Variants in LRRC4C observed in about 807,000 individuals in gnomAD.
The protein encoded by LRRC4C is leucine rich repeat containing 4C.
Under a neutral mutation model 33.6 loss-of-function variants are expected in LRRC4C, and 5 were observed. The observed-to-expected ratio is 0.15, with a 90% CI of 0.08 to 0.31. The LOEUF (loss-of-function observed/expected upper bound fraction) is 0.31, where lower values mean the gene tolerates loss of function less well. Ranked by LOEUF, LRRC4C falls within the 10% of genes least tolerant of loss-of-function variation. The pLI is 1.00. For missense variants in LRRC4C, 560 were observed against 796.7 expected, an observed-to-expected ratio of 0.70 and a Z score of 3.58; for synonymous variants, 329 against 302.0, an observed-to-expected ratio of 1.09 and a Z score of -0.93.
intron 5 of LRRC4C, among the ~76,000 whole-genome samples, chr11:40,161,587 C>T (rs960138847): frequency 2.0e-5 from 3 of 152,074 alleles, no homozygotes; most frequent in Non-Finnish European, 4.4e-5. Flanking sequence ...GACCCCGTCT[C>T]TACTAAAATA....
chr11:40,204,108 G>T (rs763675005), intron 5 of LRRC4C, among the ~76,000 whole-genome samples: 1 of 152,008 alleles, frequency 6.6e-6, no homozygotes, highest in African/African-American at 2.4e-5. Context: ...AGAGATGGGT[G>T]GTGGGGGGCG....
intron 5 of LRRC4C, among the ~76,000 whole-genome samples, chr11:40,173,234 C>A (rs899092059): frequency 6.6e-6 from 1 of 152,104 alleles, no homozygotes; most frequent in South Asian, 2.1e-4. Context: ...CAATGACAGC[C>A]CTAAGAAATT....
intron 2 of LRRC4C, among the ~76,000 whole-genome samples, chr11:40,883,678 G>A (rs1955295359): frequency 6.6e-6 from 1 of 151,740 alleles, no homozygotes; most frequent in South Asian, 2.1e-4. Flanking sequence ...TATAAGTCAT[G>A]CTTTTTTTCT....
chr11:40,956,219 C>T (rs1958948477), intron 1 of LRRC4C, among the ~76,000 whole-genome samples: 1 of 151,748 alleles, frequency 6.6e-6, no homozygotes, highest in Non-Finnish European at 1.5e-5. Flanking sequence ...CAATAGCCCT[C>T]TAAATTCCTC....
chr11:40,630,696 A>G (rs1440415103), intron 3 of LRRC4C, among the ~76,000 whole-genome samples: 1 of 152,128 alleles, frequency 6.6e-6, no homozygotes, highest in African/African-American at 2.4e-5. Context: ...TTGTCAGCAG[A>G]TCCTTTAACT....
chr11:41,265,871 C>CTT (rs746596484), intron 1 of LRRC4C, among the ~76,000 whole-genome samples: 1,701 of 69,868 alleles, frequency 0.024, 13 homozygotes, highest in Middle Eastern at 0.033. Flanking sequence ...TGGGTCTTTT[C>CTT]TTTTTTTAAA....
chr11:40,490,793 A>AG (rs2080850108), intron 3 of LRRC4C, among the ~76,000 whole-genome samples: 1 of 152,172 alleles, frequency 6.6e-6, no homozygotes, highest in Non-Finnish European at 1.5e-5. Context: ...TTAACTTCTC[A>AG]GGATTATTTT....
intron 2 of LRRC4C, among the ~76,000 whole-genome samples, chr11:40,826,439 A>C (rs1952172843): frequency 6.6e-6 from 1 of 152,028 alleles, no homozygotes. Flanking sequence ...AAGCAGAAGC[A>C]CAAAGTCACA....
chr11:40,925,821 T>G (rs186416567), intron 2 of LRRC4C, among the ~76,000 whole-genome samples: 7 of 152,308 alleles, frequency 4.6e-5, no homozygotes, highest in African/African-American at 1.7e-4. Flanking sequence ...CCAGGCATTA[T>G]TTTAGGCACT....
chr11:41,195,883 A>G (rs894244336), intron 1 of LRRC4C, among the ~76,000 whole-genome samples: 1 of 152,060 alleles, frequency 6.6e-6, no homozygotes, highest in African/African-American at 2.4e-5. Context: ...GTTTTTGTGC[A>G]TCAAATCTAA....
chr11:41,272,099 T>G (rs1949340044), intron 1 of LRRC4C, among the ~76,000 whole-genome samples: 3 of 152,148 alleles, frequency 2.0e-5, no homozygotes, highest in Admixed American at 6.6e-5. Flanking sequence ...AAAGGAAGTT[T>G]GAAGGAGTCA....
intron 3 of LRRC4C, among the ~76,000 whole-genome samples, chr11:40,516,545 G>A (rs1955567530): frequency 6.6e-6 from 1 of 152,178 alleles, no homozygotes; most frequent in South Asian, 2.1e-4. Flanking sequence ...AAGTTCTAAA[G>A]AAGGAGATGG....
chr11:40,679,302 A>G (rs1481347734), intron 2 of LRRC4C, among the ~76,000 whole-genome samples: 1 of 152,142 alleles, frequency 6.6e-6, no homozygotes, highest in Non-Finnish European at 1.5e-5. Context: ...TAAAGTTTGG[A>G]AAATTTGCAG....
At chr11:40,728,894 T>C (rs527527335) in intron 2 of LRRC4C, among the ~76,000 whole-genome samples, 1 of 146,336 alleles carries the variant, frequency 6.8e-6, no homozygotes, top group South Asian at 2.1e-4. Flanking sequence ...GAAAACCAAA[T>C]AGTGCATATT....
Position 40,600,543 on chromosome 11 carries a change from C to G in LRRC4C, c.-270+47599G>C, listed in dbSNP as rs192163804. 1.9e-3 allele frequency among the ~76,000 whole-genome samples: 286 copies of G among 152,272 alleles called. 3 individuals carry two copies. Among genetic ancestry groups the G allele is most frequent in the African/African-American group, 6.6e-3 (274 of 41,564 alleles). On this transcript the variant is annotated intron_variant, in intron 3 of 6. Coordinates refer to ENST00000528697, the MANE Select transcript of LRRC4C (RefSeq NM_001258419.2). Reference sequence around the variant, plus strand: ...CACATAGTATCCCTGGCTCTCTACACAAAATGTTTGTGACACCCCCCAGTA... The same window carrying G: ...CACATAGTATCCCTGGCTCTCTACAGAAAATGTTTGTGACACCCCCCAGTA...
At chr11:40,682,240 A>T (rs2136336032) in intron 2 of LRRC4C, among the ~76,000 whole-genome samples, 1 of 151,696 alleles carries the variant, frequency 6.6e-6, no homozygotes, top group East Asian at 1.9e-4. Flanking sequence ...ACTGCACTCC[A>T]GCCTGGGTGA....
chr11:40,274,872 GC>G (rs1302593492), intron 4 of LRRC4C, among the ~76,000 whole-genome samples: 1 of 152,102 alleles, frequency 6.6e-6, no homozygotes, highest in Non-Finnish European at 1.5e-5. Flanking sequence ...TTACAAAGGT[GC>G]TGCTAAGAAG....
intron 3 of LRRC4C, among the ~76,000 whole-genome samples, chr11:40,612,641 A>G (rs1445453705): frequency 6.6e-6 from 1 of 151,972 alleles, no homozygotes; most frequent in African/African-American, 2.4e-5. Context: ...AAGTTGAAAC[A>G]TGAGTATTTT....
chr11:41,026,777 A>T lies in LRRC4C; in HGVS notation c.-495-93054T>A, dbSNP rs1383057418. Among the ~76,000 whole-genome samples the T allele has an allele frequency of 4.2e-5, 6 of 144,054 alleles. No individual in the cohort carries two copies. In the East Asian group the frequency reaches 8.1e-4, roughly 19 times the overall value. 94.5% of individuals were successfully genotyped at this position (144,054 alleles called of 152,430 possible). ...TTATGACTTGCTGTAGGCTCAGAAG[A>T]TGGTCAGCATTTTTTACCAAAAAAA... On this transcript the variant is annotated intron_variant, in intron 1 of 6. Coordinates refer to ENST00000528697, the MANE Select transcript of LRRC4C (RefSeq NM_001258419.2).
Sources: gnomAD v4.1 joint callset for allele counts (sites outside exome capture counted in the v4.1 genomes callset) on GRCh38, gnomAD v4.1.1 for gene constraint, MANE v1.5 for transcripts, NCBI Gene and HGNC (gene_info 2026-07-23, HGNC 2026-07-21) for gene names.